Variants in ZNF627 observed in about 807,000 individuals in gnomAD.
ZNF627 encodes zinc finger protein 627.
ZNF627 carries 12 observed loss-of-function variants against 10.6 expected under a neutral mutation model. That is an observed-to-expected ratio of 1.13 (90% CI 0.73 to 1.84). The LOEUF is 1.84. Ranked by LOEUF, ZNF627 falls within the 40% of genes most tolerant of loss-of-function variation. The pLI is 0.00. For missense variants in ZNF627, 504 were observed against 568.4 expected (o/e 0.89, Z 1.15); for synonymous variants, 176 against 187.1 (o/e 0.94, Z 0.48).
At chr19:11,609,515 A>ATATATATATG (rs1568441777) in intron 1 of ZNF627, among the ~76,000 whole-genome samples, 8 of 92,964 alleles carry the variant, frequency 8.6e-5, no homozygotes, top group Admixed American at 2.3e-4. Flanking sequence ...ATATATATAT[A>ATATATATATG]TATGTATTTT....
At position 11,602,506 on chromosome 19, in the gene ZNF627, C is replaced by T. The variant is rs575864364; in HGVS notation, c.3+4876C>T. On this transcript the variant is annotated intron_variant, in intron 1 of 3. Transcript: ENST00000361113. Reference sequence around the variant, plus strand: ...ATTACATACCTGCCCAATCTTCTGCCGCCATTTTCCCTTACATCCATCCCT... The same window carrying T: ...ATTACATACCTGCCCAATCTTCTGCTGCCATTTTCCCTTACATCCATCCCT... 5.3e-5 allele frequency among the ~76,000 whole-genome samples: 8 copies of T among 152,250 alleles called. No individual in the cohort carries two copies. In the South Asian group the frequency reaches 1.7e-3, roughly 32 times the overall value.
At chr19:11,612,409 C>A (rs934692979) in intron 1 of ZNF627, among the ~76,000 whole-genome samples, 2 of 147,784 alleles carry the variant, frequency 1.4e-5, no homozygotes. Flanking sequence ...CATGAGCCAC[C>A]GTGCCCGGCC....
intron 1 of ZNF627, among the ~76,000 whole-genome samples, chr19:11,613,393 G>A (rs1203332934): frequency 6.6e-6 from 1 of 150,680 alleles, no homozygotes; most frequent in Non-Finnish European, 1.5e-5. Flanking sequence ...TAAGCAGGAA[G>A]CAATTTTTCT....
At chr19:11,614,959 T>C (rs1973840655) in intron 3 of ZNF627, 72 bp downstream of exon 3, 1 of 1,296,612 alleles carries the variant, frequency 7.7e-7, no homozygotes, top group Admixed American at 2.6e-5. Flanking sequence ...TTTTTTTTTT[T>C]TTTTTTTAGA....
rs371470147 is a variant in ZNF627 at position 11,606,495 on chromosome 19, CTGAG to C, written c.4-8029_4-8026del. Among the ~76,000 whole-genome samples, 100 of 152,324 alleles carry C rather than the reference CTGAG, an allele frequency of 6.6e-4. 2 individuals carry two copies. In the East Asian group the frequency reaches 0.017, roughly 26 times the overall value. ...CTCCTGGCTGCTTTCACAGCTGGCA[CTGAG>C]TGTCTGTGGCTTTTCCAGGTGCGTG... On this transcript the variant is annotated intron_variant, in intron 1 of 3. Coordinates refer to ENST00000361113, the MANE Select transcript of ZNF627 (RefSeq NM_145295.4).
intron 1 of ZNF627, among the ~76,000 whole-genome samples, chr19:11,605,736 C>A (rs1012657313): frequency 8.1e-4 from 123 of 152,226 alleles, no homozygotes; most frequent in African/African-American, 2.9e-3. Context: ...CAAACCATAT[C>A]ATTCCACCCC....
chr19:11,602,774 AC>A (rs2145123982), intron 1 of ZNF627, among the ~76,000 whole-genome samples: 1 of 152,350 alleles, frequency 6.6e-6, no homozygotes, highest in East Asian at 1.9e-4. Flanking sequence ...ATGAAAAAAG[AC>A]ACTAGAGATC....
At chr19:11,609,716 C>T (rs1282599528) in intron 1 of ZNF627, among the ~76,000 whole-genome samples, 1 of 151,818 alleles carries the variant, frequency 6.6e-6, no homozygotes, top group Admixed American at 6.6e-5. Context: ...GACGGGGTTT[C>T]ACCATGTTGA....
intron 1 of ZNF627, among the ~76,000 whole-genome samples, chr19:11,604,870 G>T (rs1218760334): frequency 2.6e-5 from 4 of 152,058 alleles, no homozygotes; most frequent in Non-Finnish European, 5.9e-5. Context: ...AATGGAACTT[G>T]GTTGGGTCTC....
At chr19:11,606,691 G>T (rs1240781774) in intron 1 of ZNF627, among the ~76,000 whole-genome samples, 1 of 152,176 alleles carries the variant, frequency 6.6e-6, no homozygotes, top group Non-Finnish European at 1.5e-5. Flanking sequence ...TGAGGGCTCC[G>T]CCCCTGTAGC....
At chr19:11,609,205 T>C (rs2145131217) in intron 1 of ZNF627, among the ~76,000 whole-genome samples, 1 of 152,062 alleles carries the variant, frequency 6.6e-6, no homozygotes, top group East Asian at 1.9e-4. Flanking sequence ...TAAAAACAAT[T>C]AAAAATCTAC....
At chr19:11,609,974 A>G (rs1476012135) in intron 1 of ZNF627, among the ~76,000 whole-genome samples, 7 of 149,654 alleles carry the variant, frequency 4.7e-5, no homozygotes, top group South Asian at 2.1e-4. Flanking sequence ...GTTTATCTCA[A>G]TTTTTTCCCA....
At chr19:11,602,940 G>A (rs1425785317) in intron 1 of ZNF627, among the ~76,000 whole-genome samples, 6 of 152,136 alleles carry the variant, frequency 3.9e-5, no homozygotes, top group African/African-American at 1.4e-4. Context: ...GGCATTTCTG[G>A]TATGTCCTGA....
intron 1 of ZNF627, among the ~76,000 whole-genome samples, chr19:11,599,971 G>C (rs1453682139): frequency 1.3e-5 from 2 of 152,140 alleles, no homozygotes; most frequent in South Asian, 2.1e-4. Context: ...GCCCCTTCCT[G>C]GGTTTGTCCC....
At chr19:11,614,923 G>A in intron 3 of ZNF627, 36 bp downstream of exon 3, 1 of 1,439,662 alleles carries the variant, frequency 6.9e-7, no homozygotes, top group Non-Finnish European at 9.5e-7. Flanking sequence ...TCTGTTCCTT[G>A]AGAGCATTTC....
At chr19:11,606,825 C>G (rs1973683865) in intron 1 of ZNF627, among the ~76,000 whole-genome samples, 1 of 152,214 alleles carries the variant, frequency 6.6e-6, no homozygotes, top group South Asian at 2.1e-4. Flanking sequence ...GCTGCTGTGG[C>G]TTGGGGCTTG....
Position 11,617,619 on chromosome 19 carries a change from C to T in ZNF627, c.1116C>T (p.Phe372=), listed in dbSNP as rs367706994. The part of the protein sequence containing the change: ...PYDCKQCGKA[F]SCSSSFRKHE... ...ATTGTAAGCAATGTGGGAAAGCCTT[C>T]AGTTGTTCCAGTTCGTTTCGAAAAC... is the stretch of plus-strand genomic sequence containing the variant. The change falls in exon 4 of 4, where the codon TTC becomes TTT. Residue 372 remains phenylalanine, a synonymous_variant. Transcript: ENST00000361113. 6.2e-5 allele frequency: 100 copies of T among 1,613,728 alleles called. 2 individuals carry two copies. In the African/African-American group the frequency reaches 8.8e-4, roughly 14 times the overall value.
intron 1 of ZNF627, among the ~76,000 whole-genome samples, chr19:11,601,522 T>TA: frequency 6.6e-6 from 1 of 151,972 alleles, no homozygotes; most frequent in Non-Finnish European, 1.5e-5. Context: ...TTAAAAAAGT[T>TA]TTTTTAAGAG....
intron 1 of ZNF627, among the ~76,000 whole-genome samples, chr19:11,610,594 C>A (rs35838244): frequency 0.39 from 59,748 of 151,736 alleles, 12,352 homozygotes; most frequent in Non-Finnish European, 0.47. Context: ...CCGAGTAAGA[C>A]CCTGTCTAAA....
Sources: gnomAD v4.1 joint callset for allele counts (sites outside exome capture counted in the v4.1 genomes callset) on GRCh38, gnomAD v4.1.1 for gene constraint, MANE v1.5 for transcripts, NCBI Gene and HGNC (gene_info 2026-07-23, HGNC 2026-07-21) for gene names.